The following CELSR1 variants were observed in gnomAD, a reference collection of about 807,000 sequenced individuals.
The protein encoded by CELSR1 is cadherin EGF LAG seven-pass G-type receptor 1.
A neutral mutation model predicts 249.1 loss-of-function variants in CELSR1; 110 were observed. The ratio of observed to expected loss-of-function variants is 0.44; its 90% CI spans 0.38 to 0.52. CELSR1 has a LOEUF of 0.52. Ranked by LOEUF, CELSR1 falls within the 20% of genes least tolerant of loss-of-function variation. CELSR1 has a pLI of 0.00. For missense variants in CELSR1, 4,109 were observed against 4,296.4 expected, an observed-to-expected ratio of 0.96 and a Z score of 1.22; for synonymous variants, 2,113 against 1,900.0, an observed-to-expected ratio of 1.11 and a Z score of -2.92.
At position 46,402,752 on chromosome 22, in the gene CELSR1, T is replaced by A. The variant is rs551233336; in HGVS notation, c.5227-2850A>T. 1.3e-5 allele frequency among the ~76,000 whole-genome samples: 2 copies of A among 152,202 alleles called. No homozygotes were observed. Among genetic ancestry groups the A allele is most frequent in the African/African-American group, 4.8e-5 (2 of 41,494 alleles). ...TTAGACTTACTTCTGGGTGTAGGTGTTACAGAGATAAGGGTCAAACGGCCA... is the reference window on the plus strand; with the variant it reads ...TTAGACTTACTTCTGGGTGTAGGTGATACAGAGATAAGGGTCAAACGGCCA... On this transcript the variant is annotated intron_variant, in intron 9 of 34. Coordinates refer to ENST00000674500, the MANE Select transcript of CELSR1 (RefSeq NM_001378328.1). This position sits in a 1 kb window ranked among gnomAD's most constrained non-coding sequence, Gnocchi z 5.0.
chr22:46,366,229 GGCA>G (rs55794855), intron 30 of CELSR1, among the ~76,000 whole-genome samples, 154 bp downstream of exon 30: 66 of 776 alleles, frequency 0.085, 3 homozygotes, highest in African/African-American at 0.14. Context: ...GAAGGTGCGG[GGCA>G]GGGAGGGAAG....
rs755062924 is a variant in CELSR1 at position 46,386,486 on chromosome 22, G to T, written c.6655C>A (p.Arg2219Ser). Residue 2219 changes from arginine to serine, a missense_variant, in exon 19 of 35, where the codon CGC becomes AGC. Physicochemically the swap from Arg to Ser is moderately radical, Grantham distance 110. This residue lies in a region of CELSR1 where 1,805 missense variants were observed against 1,831.6 expected (regional missense o/e 0.99). Coordinates refer to ENST00000674500, the MANE Select transcript of CELSR1 (RefSeq NM_001378328.1). ...ACGTTGCTGAAGTAGCCCTCGAGGC[G>T]CCGGAGCAGCTGTGCCGTGCCGCCC... ...SEGGTAQLLR[R>S]LEGYFSNVAR... is the part of the protein sequence containing the mutation. 3 of 1,599,846 alleles carry T rather than the reference G, an allele frequency of 1.9e-6. No homozygotes were observed. Among genetic ancestry groups the T allele is most frequent in the South Asian group, 2.2e-5 (2 of 88,928 alleles).
At chr22:46,523,245 T>C (rs908957853) in intron 1 of CELSR1, among the ~76,000 whole-genome samples, 2 of 152,176 alleles carry the variant, frequency 1.3e-5, no homozygotes, top group Non-Finnish European at 2.9e-5. Context: ...AAGAAAAATC[T>C]TAGCCTGGTG....
At chr22:46,414,594 CTCCCGCCTCTCGGCGAGTGTGGGTTTAA>C (rs2079377177) in intron 5 of CELSR1, among the ~76,000 whole-genome samples, 1 of 151,982 alleles carries the variant, frequency 6.6e-6, no homozygotes, top group Non-Finnish European at 1.5e-5. Flanking sequence ...ACCGTCCACT[CTCCCGCCTCTCGGCGAGTGTGGGTTTAA>C]CGCGCAGGCT....
intron 3 of CELSR1, among the ~76,000 whole-genome samples, chr22:46,438,585 T>G (rs2079695756): frequency 6.6e-6 from 1 of 152,208 alleles, no homozygotes; most frequent in Admixed American, 6.5e-5. Context: ...TGCAATAATC[T>G]CAGACATACA....
In CELSR1 at chr22:46,381,906, A is replaced by G. The variant is rs1180274810; in HGVS notation, c.7028T>C (p.Ile2343Thr). The change falls in exon 21 of 35, where the codon ATT becomes ACT. Residue 2343 changes from isoleucine (I) to threonine (T), a missense_variant. By Grantham distance (89) the Ile-to-Thr change is moderately conservative. Around this residue, in one of 7 missense-constraint regions of CELSR1, gnomAD observed 1,805 missense variants for 1,831.6 expected, o/e 0.99. Transcript: ENST00000674500. This position sits in a 1 kb window ranked among gnomAD's most constrained non-coding sequence, Gnocchi z 6.0. ...CAGGAGCTGCCCCAGGGTGCGGTAA[A>G]TGATGACCAGAGCGACGGCGAACTG... ...AGQFAVALVI[I>T]YRTLGQLLPE... 1.3e-6 allele frequency: 2 copies of G among 1,575,498 alleles called. No individual in the cohort carries two copies. The highest frequency in any genetic ancestry group is 2.7e-5 in the African/African-American group (2 of 74,106).
At chr22:46,466,216 G>C (rs1482984799) in intron 1 of CELSR1, among the ~76,000 whole-genome samples, 1 of 152,222 alleles carries the variant, frequency 6.6e-6, no homozygotes, top group East Asian at 1.9e-4. Context: ...GACATGGTGG[G>C]AGACGGCCTC....
At chr22:46,373,647 G>T (rs966863938) in intron 24 of CELSR1, among the ~76,000 whole-genome samples, 4 of 134,972 alleles carry the variant, frequency 3.0e-5, no homozygotes, top group Admixed American at 1.5e-4. Context: ...CCAAATGGGA[G>T]AATGGGGAGA....
At chr22:46,394,960 G>A (rs1027451506) in intron 13 of CELSR1, among the ~76,000 whole-genome samples, 1 of 152,178 alleles carries the variant, frequency 6.6e-6, no homozygotes, top group African/African-American at 2.4e-5. Flanking sequence ...CTGCACCTGC[G>A]CAGTCACCTG....
chr22:46,474,995 G>A (rs772513935), intron 1 of CELSR1, among the ~76,000 whole-genome samples: 7 of 152,044 alleles, frequency 4.6e-5, no homozygotes, highest in African/African-American at 2.4e-5. Flanking sequence ...AATGAGGAGC[G>A]TGTTAAAAGC....
Position 46,536,031 on chromosome 22 carries a change from G to A in CELSR1, c.1140C>T (p.Arg380=). 6.2e-7 allele frequency: 1 copy of A among 1,610,292 alleles called. No individual in the cohort carries two copies. The highest frequency in any genetic ancestry group is 8.5e-7 in the Non-Finnish European group (1 of 1,179,896). Residue 380 remains arginine (R), a synonymous_variant, in exon 1 of 35, where the codon CGC becomes CGT. Transcript: ENST00000674500. Reference sequence around the variant, plus strand: ...GCAAGTTGGCGTTGATGGGCGAGTCGCGGTCGCTGGCGCGGATGGTCAGCA... The same window carrying A: ...GCAAGTTGGCGTTGATGGGCGAGTCACGGTCGCTGGCGCGGATGGTCAGCA... ...YEVLTIRASD[R]DSPINANLRY... is the part of the protein sequence containing the mutation.
chr22:46,521,913 C>T (rs1010633336), intron 1 of CELSR1, among the ~76,000 whole-genome samples: 13 of 152,172 alleles, frequency 8.5e-5, no homozygotes, highest in African/African-American at 2.7e-4. Flanking sequence ...TCATATTTTG[C>T]GGAACCTCCA....
intron 1 of CELSR1, among the ~76,000 whole-genome samples, chr22:46,519,564 T>C (rs991109861): frequency 3.2e-4 from 49 of 152,332 alleles, no homozygotes; most frequent in African/African-American, 1.2e-3. Flanking sequence ...AGGCAGAGCC[T>C]GGGCATCAGG....
chr22:46,445,040 T>C lies in CELSR1; in HGVS notation c.4184-5629A>G, dbSNP rs2079802780. ...CAACATGGTGAAACCCAATCTCTAC[T>C]ACAAAAATTAACCGGCGTGGTGGCA... is the stretch of plus-strand genomic sequence containing the variant. On this transcript the variant is annotated intron_variant, in intron 2 of 34. Transcript: ENST00000674500. The surrounding 1 kb of genome is among the most constrained non-coding windows in gnomAD (Gnocchi z 4.4). 6.6e-6 allele frequency among the ~76,000 whole-genome samples: 1 copy of C among 151,880 alleles called. No homozygotes were observed. Among genetic ancestry groups the C allele is most frequent in the East Asian group, 1.9e-4 (1 of 5,192 alleles).
Position 46,409,416 on chromosome 22 carries a change from G to A in CELSR1, c.5060-254C>T, listed in dbSNP as rs536663726. ...GATCTGCAGGCTCCCAGCCACAGAT[G>A]GGCGTGGTAAGGGGCTCTCAGGCTT... is the stretch of plus-strand genomic sequence containing the variant. On this transcript the variant is annotated intron_variant, in intron 8 of 34. Coordinates refer to ENST00000674500, the MANE Select transcript of CELSR1 (RefSeq NM_001378328.1). This position sits in a 1 kb window ranked among gnomAD's most constrained non-coding sequence, Gnocchi z 9.8. Among the ~76,000 whole-genome samples the A allele has an allele frequency of 2.2e-4, 33 of 152,294 alleles. No individual in the cohort carries two copies. The highest frequency in any genetic ancestry group is 2.0e-3 in the Admixed American group (30 of 15,298).
intron 2 of CELSR1, among the ~76,000 whole-genome samples, chr22:46,455,466 G>T (rs2079937176): frequency 6.6e-6 from 1 of 152,126 alleles, no homozygotes; most frequent in Non-Finnish European, 1.5e-5. Flanking sequence ...CTGACCTCAG[G>T]TGATCCACCT....
chr22:46,438,401 G>A (rs1039008665), intron 3 of CELSR1, among the ~76,000 whole-genome samples: 1 of 152,170 alleles, frequency 6.6e-6, no homozygotes, highest in African/African-American at 2.4e-5. Flanking sequence ...AGGCTCAAGA[G>A]GGCCCTGCCC....
chr22:46,467,965 C>A (rs182432172), intron 1 of CELSR1, among the ~76,000 whole-genome samples: 1 of 152,084 alleles, frequency 6.6e-6, no homozygotes, highest in Non-Finnish European at 1.5e-5. Context: ...TAGCATGTAC[C>A]GTTTGGGTTG....
rs972933488 is a variant in CELSR1, at chr22:46,395,919, A to G, written c.5843+686T>C. Among the ~76,000 whole-genome samples the G allele has an allele frequency of 2.6e-5, 4 of 152,196 alleles. No individual in the cohort carries two copies. Among genetic ancestry groups the G allele is most frequent in the African/African-American group, 9.6e-5 (4 of 41,460 alleles). On this transcript the variant is annotated intron_variant, in intron 13 of 34. Coordinates refer to ENST00000674500, the MANE Select transcript of CELSR1 (RefSeq NM_001378328.1). This position sits in a 1 kb window ranked among gnomAD's most constrained non-coding sequence, Gnocchi z 5.5. Reference sequence around the variant, plus strand: ...CGCTGCTGCCTGTCCTAACCACACTAGGATCTCCGCACACATCAGAAATGA... The same window carrying G: ...CGCTGCTGCCTGTCCTAACCACACTGGGATCTCCGCACACATCAGAAATGA...
Sources: allele counts gnomAD v4.1 joint callset (sites outside exome capture counted in the v4.1 genomes callset), GRCh38; gene constraint gnomAD v4.1.1; regional missense constraint gnomAD v4.1.1; non-coding constraint Gnocchi (gnomAD v3.1); transcripts MANE v1.5; gene names NCBI Gene and HGNC (gene_info 2026-07-23, HGNC 2026-07-21).